Variants in SPOCK3 observed in about 807,000 individuals in gnomAD.
SPOCK3 encodes the protein testican-3.
In SPOCK3, 30 loss-of-function variants were observed where a neutral mutation model predicts 56.6. The observed-to-expected ratio is 0.53, with a 90% CI of 0.40 to 0.72. The LOEUF is 0.72. Ranked by LOEUF, SPOCK3 falls within the 30% of genes least tolerant of loss-of-function variation. The pLI is 0.00. For synonymous variants in SPOCK3, 196 were observed against 183.3 expected (o/e 1.07, Z -0.56); for missense variants, 527 against 530.0 (o/e 0.99, Z 0.06).
chr4:166,959,752 A>G (rs893106175), intron 4 of SPOCK3, among the ~76,000 whole-genome samples: 1 of 152,200 alleles, frequency 6.6e-6, no homozygotes, highest in Non-Finnish European at 1.5e-5. Context: ...GAGCTGAGAT[A>G]GTATTTTCTA....
intron 2 of SPOCK3, among the ~76,000 whole-genome samples, chr4:167,109,390 AATATATATTTATATATAAAT>A (rs1561225303): frequency 2.0e-3 from 48 of 23,808 alleles, no homozygotes; most frequent in East Asian, 9.9e-3. Context: ...AAAATATATA[AATATATATTTATATATAAAT>A]ATATATATAA....
chr4:166,853,875 C>T (rs1171479963), intron 6 of SPOCK3, among the ~76,000 whole-genome samples: 1 of 151,404 alleles, frequency 6.6e-6, no homozygotes, highest in Admixed American at 6.6e-5. Flanking sequence ...GAGGAAGACT[C>T]TCTCTCAAAA....
At chr4:166,889,081 T>A (rs767972747) in intron 6 of SPOCK3, 49 bp downstream of exon 6, 13 of 1,155,372 alleles carry the variant, frequency 1.1e-5, no homozygotes, top group Middle Eastern at 1.9e-4. Context: ...CAAAACATTT[T>A]AGTAGAGAGT....
chr4:166,925,943 A>T (rs1158424508), intron 4 of SPOCK3, among the ~76,000 whole-genome samples: 1 of 152,206 alleles, frequency 6.6e-6, no homozygotes, highest in Admixed American at 6.5e-5. Flanking sequence ...ACTTTAAACA[A>T]GTATGCAAAT....
At chr4:167,143,218 C>T (rs1029642714) in intron 2 of SPOCK3, among the ~76,000 whole-genome samples, 3 of 151,970 alleles carry the variant, frequency 2.0e-5, no homozygotes, top group African/African-American at 2.4e-5. Context: ...ATAGACCACA[C>T]ATCCCTCCCA....
At chr4:166,879,728 C>A (rs1312204117) in intron 6 of SPOCK3, among the ~76,000 whole-genome samples, 2 of 152,138 alleles carry the variant, frequency 1.3e-5, no homozygotes, top group Non-Finnish European at 2.9e-5. Context: ...TTATTGAATA[C>A]TGATATGGTT....
At chr4:167,060,120 G>T (rs1755424668) in intron 3 of SPOCK3, among the ~76,000 whole-genome samples, 1 of 151,622 alleles carries the variant, frequency 6.6e-6, no homozygotes, top group Non-Finnish European at 1.5e-5. Flanking sequence ...CCTGCACATT[G>T]TGTACACGTA....
At chr4:167,109,595 T>G (rs1760720641) in intron 2 of SPOCK3, among the ~76,000 whole-genome samples, 2 of 137,954 alleles carry the variant, frequency 1.4e-5, no homozygotes, top group South Asian at 4.2e-4. Flanking sequence ...TATATATATA[T>G]AGTATGTACC....
chr4:166,942,837 T>C (rs946400891), intron 4 of SPOCK3, among the ~76,000 whole-genome samples: 1 of 152,196 alleles, frequency 6.6e-6, no homozygotes, highest in Non-Finnish European at 1.5e-5. Context: ...TAAGCAATAA[T>C]TACTATTCAA....
Position 166,991,329 on chromosome 4 carries a change from G to A in SPOCK3, c.350+9020C>T, listed in dbSNP as rs549355940. Among the ~76,000 whole-genome samples, 197 of 145,884 alleles carry A rather than the reference G, an allele frequency of 1.4e-3. 1 individual carries two copies. The highest frequency in any genetic ancestry group is 4.3e-3 in the African/African-American group (169 of 39,628). ...TCCTGAAGCTGAAAAAAGATAATGT[G>A]ACTTTTTGTTTTTATATTTATTTAT... On this transcript the variant is annotated intron_variant, in intron 4 of 10. Coordinates refer to ENST00000357545, the MANE Select transcript of SPOCK3 (RefSeq NM_001040159.2).
At chr4:166,925,866 A>T (rs1739035004) in intron 4 of SPOCK3, among the ~76,000 whole-genome samples, 1 of 152,192 alleles carries the variant, frequency 6.6e-6, no homozygotes, top group Non-Finnish European at 1.5e-5. Flanking sequence ...AATTTATTTT[A>T]AGAAAACTCA....
intron 7 of SPOCK3, among the ~76,000 whole-genome samples, chr4:166,777,099 A>G (rs1739629161): frequency 6.6e-6 from 1 of 152,186 alleles, no homozygotes; most frequent in South Asian, 2.1e-4. Flanking sequence ...AATAAATGTA[A>G]GCAAACAAAA....
intron 5 of SPOCK3, among the ~76,000 whole-genome samples, chr4:166,911,135 CT>C (rs1478175442): frequency 1.3e-5 from 2 of 152,148 alleles, no homozygotes; most frequent in Non-Finnish European, 2.9e-5. Context: ...GAAAGGACCC[CT>C]GACACACTCC....
rs548522052 is a variant in SPOCK3, at chr4:167,105,341, T to C, written c.190-42804A>G. ...TGTAGGGTTTTATTAGTTTTCTGTTTGGTTGTTTGTTTATGCAATCAGTGT... is the reference window on the plus strand; with the variant it reads ...TGTAGGGTTTTATTAGTTTTCTGTTCGGTTGTTTGTTTATGCAATCAGTGT... On this transcript the variant is annotated intron_variant, in intron 2 of 10. Transcript: ENST00000357545. 2.9e-4 allele frequency among the ~76,000 whole-genome samples: 44 copies of C among 151,846 alleles called. No individual in the cohort carries two copies. The East Asian group carries it at 5.4e-3, about 19-fold the overall frequency.
chr4:167,000,443 G>C lies in SPOCK3; in HGVS notation c.256C>G (p.Pro86Ala). 6.3e-7 allele frequency: 1 copy of C among 1,592,778 alleles called. No individual in the cohort carries two copies. The highest frequency in any genetic ancestry group is 2.3e-5 in the East Asian group (1 of 44,386). Residue 86 changes from proline to alanine, a missense_variant, in exon 4 of 11, where the codon CCA becomes GCA. By Grantham distance (27) the Pro-to-Ala change is conservative (BLOSUM62 -1). Coordinates refer to ENST00000357545, the MANE Select transcript of SPOCK3 (RefSeq NM_001040159.2). ...FDQALDPAKD[P>A]CLKMKCSRHK... is the part of the protein sequence containing the mutation. ...CGACTACATTTCATCTTTAAGCATGGATCCTTAGCTGGATCTAAAGCTAAA... is the reference window on the plus strand; with the variant it reads ...CGACTACATTTCATCTTTAAGCATGCATCCTTAGCTGGATCTAAAGCTAAA...
chr4:166,982,686 T>G (rs1746715559), intron 4 of SPOCK3, among the ~76,000 whole-genome samples: 1 of 152,246 alleles, frequency 6.6e-6, no homozygotes, highest in African/African-American at 2.4e-5. Flanking sequence ...TTGGATTTTT[T>G]TATTATGTTT....
chr4:166,766,197 T>A (rs953916399), intron 7 of SPOCK3, among the ~76,000 whole-genome samples: 2 of 152,212 alleles, frequency 1.3e-5, no homozygotes, highest in Non-Finnish European at 2.9e-5. Flanking sequence ...CCTGCCTGAT[T>A]GCCCTGGCCT....
chr4:166,765,958 G>A (rs1737977857), intron 7 of SPOCK3, among the ~76,000 whole-genome samples: 1 of 151,954 alleles, frequency 6.6e-6, no homozygotes, highest in Non-Finnish European at 1.5e-5. Context: ...AATTATGAAT[G>A]GGAGTTCACT....
chr4:166,843,002 G>A (rs568192135), intron 6 of SPOCK3, among the ~76,000 whole-genome samples: 2 of 152,324 alleles, frequency 1.3e-5, no homozygotes, highest in South Asian at 4.1e-4. Flanking sequence ...GCGAGAATTC[G>A]AGCGTGTCCC....
Sources: allele counts gnomAD v4.1 joint callset (sites outside exome capture counted in the v4.1 genomes callset), GRCh38; gene constraint gnomAD v4.1.1; transcripts MANE v1.5; gene names NCBI Gene and HGNC (gene_info 2026-07-23, HGNC 2026-07-21).